DENND11: variants seen among roughly 807,000 people sequenced by gnomAD.
The protein encoded by DENND11 is DENN domain containing 11, also known as DENN domain-containing protein 11.
Under a neutral mutation model 49.2 loss-of-function variants are expected in DENND11, and 34 were observed. That is an observed-to-expected ratio of 0.69 (90% CI 0.53 to 0.92). The LOEUF is 0.92. Among genes scored for constraint, DENND11 ranks in the 40% least tolerant of loss-of-function variants. The pLI is 0.00. For synonymous variants in DENND11, 238 were observed against 230.3 expected, an observed-to-expected ratio of 1.03 and a Z score of -0.30; for missense variants, 475 against 581.6, an observed-to-expected ratio of 0.82 and a Z score of 1.88.
chr7:141,663,898 A>C (rs1319871838), intron 8 of DENND11: 16 of 419,536 alleles, frequency 3.8e-5, no homozygotes, highest in Non-Finnish European at 6.5e-5. Context: ...GCTTCCAGGC[A>C]GTGGACATCC....
At chr7:141,691,337 G>T (rs1798324145) in intron 1 of DENND11, among the ~76,000 whole-genome samples, 1 of 152,216 alleles carries the variant, frequency 6.6e-6, no homozygotes, top group Non-Finnish European at 1.5e-5. Context: ...TCTAGCCCCA[G>T]GCTGCTATCA....
chr7:141,664,020 A>G (rs1049116035), intron 8 of DENND11, among the ~76,000 whole-genome samples, 152 bp downstream of exon 8: 2 of 152,192 alleles, frequency 1.3e-5, no homozygotes, highest in Admixed American at 1.3e-4. Flanking sequence ...TTCAGGGCTC[A>G]GGTTTGCCTC....
intron 4 of DENND11, among the ~76,000 whole-genome samples, chr7:141,669,792 A>AT (rs962893861): frequency 6.7e-6 from 1 of 149,362 alleles, no homozygotes; most frequent in Non-Finnish European, 1.5e-5. Context: ...GACAAGTATT[A>AT]TTATATCATA....
chr7:141,681,207 T>A (rs767839824), intron 3 of DENND11, among the ~76,000 whole-genome samples: 25 of 152,210 alleles, frequency 1.6e-4, no homozygotes, highest in Admixed American at 3.3e-4. Flanking sequence ...GTGTGTTGAC[T>A]GCCCCTTGTA....
intron 1 of DENND11, among the ~76,000 whole-genome samples, chr7:141,691,928 A>G (rs982826272): frequency 2.0e-5 from 3 of 152,188 alleles, no homozygotes; most frequent in Non-Finnish European, 2.9e-5. Context: ...CAGATTTATT[A>G]AGGGCACGCA....
rs1797766632 is a variant in DENND11, at chr7:141,660,115, A to G, written c.*2541T>C. On this transcript the variant is annotated 3_prime_UTR_variant, in exon 9 of 9. Transcript: ENST00000536163. ...GGCTCCACTTCATAGCCCAGGCAAG[A>G]CATACTCTGAGGATGCTCAACAGTG... The G allele has an allele frequency of 6.6e-6, 1 of 152,234 alleles. No homozygotes were observed. Among genetic ancestry groups the G allele is most frequent in the Non-Finnish European group, 1.5e-5 (1 of 68,072 alleles). The allele number at this position is 152,234 out of a possible 1,614,324, so 9.4% of individuals were successfully genotyped here. A position where few individuals can be genotyped will look rare whatever the true frequency, so the allele number is the denominator to read the frequency against.
At chr7:141,696,440 T>C (rs76291963) in intron 1 of DENND11, among the ~76,000 whole-genome samples, 1 of 152,318 alleles carries the variant, frequency 6.6e-6, no homozygotes, top group African/African-American at 2.4e-5. Context: ...ACAATCTCTT[T>C]TTAATAGGAA....
rs1327206524 is a variant in DENND11, at chr7:141,661,892, G to A, written c.*764C>T. On this transcript the variant is annotated 3_prime_UTR_variant, in exon 9 of 9. Transcript: ENST00000536163. ...AAATTAATTTGCTTGCAAGCTCCAA[G>A]GCCAGCATTGGCCCTTAGCAATTCA... 1 of 152,178 alleles carries A rather than the reference G, an allele frequency of 6.6e-6. No homozygotes were observed. The highest frequency in any genetic ancestry group is 2.4e-5 in the African/African-American group (1 of 41,436). 9.4% of individuals were successfully genotyped at this position (152,178 alleles called of 1,614,324 possible).
In DENND11 at chr7:141,671,550, A is replaced by G. The variant is rs533265660; in HGVS notation, c.681+2517T>C. Reference sequence around the variant, plus strand: ...TCCACTGTTATTTGTATCTGCAACCATAACGGTACCCTCTTCCCTGCATCT... The same window carrying G: ...TCCACTGTTATTTGTATCTGCAACCGTAACGGTACCCTCTTCCCTGCATCT... On this transcript the variant is annotated intron_variant, in intron 4 of 8. Transcript: ENST00000536163. Among the ~76,000 whole-genome samples the G allele has an allele frequency of 3.9e-5, 6 of 152,350 alleles. No homozygotes were observed. In the East Asian group the frequency reaches 9.6e-4, roughly 24 times the overall value.
intron 1 of DENND11, among the ~76,000 whole-genome samples, chr7:141,690,779 ATTATC>A (rs1229163602): frequency 2.0e-5 from 3 of 152,230 alleles, no homozygotes; most frequent in Non-Finnish European, 4.4e-5. Flanking sequence ...TTTTGGCCAA[ATTATC>A]TTAGCTTAAA....
intron 1 of DENND11, among the ~76,000 whole-genome samples, chr7:141,692,314 C>A (rs1798339044): frequency 6.6e-6 from 1 of 152,094 alleles, no homozygotes; most frequent in Non-Finnish European, 1.5e-5. Flanking sequence ...AGGCAAGAGA[C>A]CCCAAATAGC....
chr7:141,669,308 C>T (rs1440023975), intron 4 of DENND11, among the ~76,000 whole-genome samples: 19 of 144,246 alleles, frequency 1.3e-4, no homozygotes, highest in South Asian at 2.2e-4. Flanking sequence ...AGTGCAGTGG[C>T]GCTATCTCAG....
Position 141,685,636 on chromosome 7 carries a change from G to C in DENND11, c.369C>G (p.Ile123Met), listed in dbSNP as rs1283501015. Residue 123 changes from isoleucine to methionine, a missense_variant and splice_region_variant, in exon 3 of 9, where the codon ATC (isoleucine) becomes ATG (methionine). Coordinates refer to ENST00000536163, the MANE Select transcript of DENND11 (RefSeq NM_001080392.2). Reference protein sequence around the residue: ...SGSHKIQSDFIYFRKGPFFGL... With the variant: ...SGSHKIQSDFMYFRKGPFFGL... Reference sequence around the variant, plus strand: ...CGAAGAAGGGCCCCTTTCGGAAATAGCTAGAAGAGACCAAATACGTAGTGT... The same window carrying C: ...CGAAGAAGGGCCCCTTTCGGAAATACCTAGAAGAGACCAAATACGTAGTGT... 1 of 1,613,780 alleles carries C rather than the reference G, an allele frequency of 6.2e-7. No homozygotes were observed. The highest frequency in any genetic ancestry group is 8.5e-7 in the Non-Finnish European group (1 of 1,179,878).
intron 1 of DENND11, among the ~76,000 whole-genome samples, chr7:141,691,858 C>T (rs537322246): frequency 7.2e-5 from 11 of 152,168 alleles, no homozygotes; most frequent in African/African-American, 2.4e-4. Flanking sequence ...TTTTCCTTGT[C>T]TTCACATTTC....
In DENND11 at chr7:141,662,825, AT is replaced by A. The variant is rs1264968057; in HGVS notation, c.1198del (p.Ile400TyrfsTer16). On this transcript the variant is annotated frameshift_variant, in exon 9 of 9. Coordinates refer to ENST00000536163, the MANE Select transcript of DENND11 (RefSeq NM_001080392.2). LOFTEE classifies it high-confidence loss of function. ...AGACACCTCCAACAAAGTCTGAAAT[AT>A]CCGGTTGTTTTGTTCTAGGAAAAAC... ...VLFFLEQNNRIFQTLLEVSAS... is the reference protein window; with the variant it reads ...VLFFLEQNNRXFQTLLEVSAS... 12 of 1,574,398 alleles carry A rather than the reference AT, an allele frequency of 7.6e-6. No individual in the cohort carries two copies. The highest frequency in any genetic ancestry group is 1.0e-5 in the Non-Finnish European group (12 of 1,159,986).
intron 4 of DENND11, 40 bp from the exon 5 acceptor site, chr7:141,666,465 G>A: frequency 6.6e-7 from 1 of 1,504,412 alleles, no homozygotes. Flanking sequence ...AAAGAGTGAG[G>A]AACAGCTTCT....
In DENND11 at chr7:141,665,310, A is replaced by C; in HGVS notation, c.829T>G (p.Cys277Gly). 6.2e-7 allele frequency: 1 copy of C among 1,613,932 alleles called. No individual in the cohort carries two copies. The highest frequency in any genetic ancestry group is 1.3e-5 in the African/African-American group (1 of 75,062). The change falls in exon 6 of 9, where the codon TGC (cysteine) becomes GGC (glycine). Residue 277 changes from cysteine to glycine, a missense_variant. Cys to Gly is a radical substitution (Grantham distance 159). Transcript: ENST00000536163. ...AGTGAAACGTTGGCCAAGCAGCAGC[A>C]GCAGTACACTGTGGGGATAGAGGAG... The part of the protein sequence containing the change: ...VGVVCYRVYC[C>G]CCLANVSLPG...
chr7:141,675,612 C>A (rs192916744), intron 3 of DENND11, among the ~76,000 whole-genome samples: 1 of 152,276 alleles, frequency 6.6e-6, no homozygotes, highest in East Asian at 1.9e-4. Flanking sequence ...GCTGCCACAC[C>A]GCCTCTGCAA....
At chr7:141,700,322 T>A (rs192771066) in intron 1 of DENND11, among the ~76,000 whole-genome samples, 132 of 152,170 alleles carry the variant, frequency 8.7e-4, no homozygotes, top group South Asian at 7.5e-3. Flanking sequence ...TGTCTAGCAT[T>A]ACGGGTAACT....
Sources: allele counts gnomAD v4.1 joint callset (sites outside exome capture counted in the v4.1 genomes callset), GRCh38; gene constraint gnomAD v4.1.1; transcripts MANE v1.5; gene names NCBI Gene and HGNC (gene_info 2026-07-23, HGNC 2026-07-21).